The following RYR1 variants were observed in gnomAD, a reference collection of about 807,000 sequenced individuals.
RYR1 encodes central core disease of muscle.
Under a neutral mutation model 583.5 loss-of-function variants are expected in RYR1, and 342 were observed. The observed-to-expected ratio is 0.59, with a 90% CI of 0.54 to 0.64. RYR1 has a LOEUF of 0.64. Ranked by LOEUF, RYR1 falls within the 30% of genes least tolerant of loss-of-function variation. RYR1 has a pLI of 0.00. For missense variants in RYR1, 6,032 were observed against 6,917.2 expected (o/e 0.87, Z 4.54); for synonymous variants, 2,791 against 2,822.5 (o/e 0.99, Z 0.35).
Position 38,486,082 on chromosome 19 carries a change from C to G in RYR1, c.5427C>G (p.Asp1809Glu), listed in dbSNP as rs201086478. The change falls in exon 34 of 106, where the codon GAC becomes GAG. Residue 1809 changes from aspartate to glutamate, a missense_variant. Asp to Glu is a conservative substitution (Grantham distance 45, BLOSUM62 2). Around this residue, in one of 11 missense-constraint regions of RYR1, gnomAD observed 2,627 missense variants for 2,961.3 expected, o/e 0.89. Transcript: ENST00000359596. ...SPAIPLEALR[D>E]KALRMLGEAV... Reference sequence around the variant, plus strand: ...CCATCCCGCTGGAGGCCCTGCGGGACAAGGCACTGAGGATGCTGGGGGAGG... The same window carrying G: ...CCATCCCGCTGGAGGCCCTGCGGGAGAAGGCACTGAGGATGCTGGGGGAGG... The G allele has an allele frequency of 6.2e-6, 10 of 1,612,722 alleles. No homozygotes were observed. The highest frequency in any genetic ancestry group is 8.5e-6 in the Non-Finnish European group (10 of 1,179,446).
At chr19:38,530,987 CT>C (rs59244176) in intron 76 of RYR1, among the ~76,000 whole-genome samples, 17,516 of 129,164 alleles carry the variant, frequency 0.14, 1,156 homozygotes, top group African/African-American at 0.27. Flanking sequence ...TTTTCTTTCT[CT>C]TTTTTTTTTT....
At chr19:38,562,016 G>T (rs1973168728) in intron 90 of RYR1, among the ~76,000 whole-genome samples, 1 of 151,982 alleles carries the variant, frequency 6.6e-6, no homozygotes, top group South Asian at 2.1e-4. Flanking sequence ...TAGCATATGT[G>T]TACCCCAACT....
intron 34 of RYR1, among the ~76,000 whole-genome samples, chr19:38,486,636 C>T (rs549379230): frequency 4.6e-5 from 7 of 152,208 alleles, no homozygotes; most frequent in East Asian, 3.9e-4. Flanking sequence ...CCACCGCGTC[C>T]GGCCTCCATC....
chr19:38,519,877 C>T (rs185687067), intron 67 of RYR1, among the ~76,000 whole-genome samples: 1 of 151,956 alleles, frequency 6.6e-6, no homozygotes, highest in Non-Finnish European at 1.5e-5. Context: ...CAGATTTTCA[C>T]CATGTTGGCC....
At chr19:38,442,036 G>A (rs1972711772) in intron 2 of RYR1, among the ~76,000 whole-genome samples, 1 of 151,882 alleles carries the variant, frequency 6.6e-6, no homozygotes, top group South Asian at 2.1e-4. Flanking sequence ...AGAGGCATGG[G>A]GGTGAGGCTT....
At chr19:38,468,207 TCATCCATC>T (rs561219158) in intron 25 of RYR1, among the ~76,000 whole-genome samples, 2 of 148,808 alleles carry the variant, frequency 1.3e-5, no homozygotes, top group South Asian at 2.1e-4. Context: ...TATAGTCCCA[TCATCCATC>T]CATCCATCCA....
At chr19:38,580,258 G>T in intron 100 of RYR1, 112 bp from the exon 101 acceptor site, 1 of 1,588,448 alleles carries the variant, frequency 6.3e-7, no homozygotes, top group Non-Finnish European at 8.6e-7. Context: ...GGGGGTGTGT[G>T]GGGCAGCAAG....
At position 38,499,840 on chromosome 19, in the gene RYR1, T is replaced by C; in HGVS notation, c.7214+19T>C. On this transcript the variant is annotated intron_variant, in intron 44 of 105. Transcript: ENST00000359596. The surrounding 1 kb of genome is among the most constrained non-coding windows in gnomAD (Gnocchi z 7.3). Reference sequence around the variant, plus strand: ...GCGAGCAGTGAGTCTCCCGGCCCCCTCCTCAATAGGGCAACCCGCCCTCCC... The same window carrying C: ...GCGAGCAGTGAGTCTCCCGGCCCCCCCCTCAATAGGGCAACCCGCCCTCCC... The C allele has an allele frequency of 6.2e-7, 1 of 1,610,088 alleles. No homozygotes were observed. The highest frequency in any genetic ancestry group is 8.5e-7 in the Non-Finnish European group (1 of 1,179,508).
chr19:38,440,716 C>G (rs771447845), intron 1 of RYR1, 29 bp from the exon 2 acceptor site: 25 of 1,603,036 alleles, frequency 1.6e-5, no homozygotes, highest in South Asian at 2.2e-5. Context: ...GCCAGGCCCC[C>G]CTGGAGACGC....
At chr19:38,519,085 T>C in intron 66 of RYR1, 129 bp from the exon 67 acceptor site, 1 of 1,470,302 alleles carries the variant, frequency 6.8e-7, no homozygotes, top group Non-Finnish European at 9.4e-7. Context: ...ATATCCAAGG[T>C]TAGGGTCAGG....
At chr19:38,518,693 C>T (rs936914573) in intron 66 of RYR1, among the ~76,000 whole-genome samples, 6 of 152,006 alleles carry the variant, frequency 3.9e-5, no homozygotes, top group Non-Finnish European at 7.4e-5. Context: ...CTATGGGAGG[C>T]CGAGGCGGGT....
chr19:38,486,484 C>G (rs1969305618), intron 34 of RYR1, among the ~76,000 whole-genome samples: 1 of 152,222 alleles, frequency 6.6e-6, no homozygotes, highest in Admixed American at 6.5e-5. Context: ...GCGGGGACTA[C>G]AGGCATGTGC....
intron 1 of RYR1, among the ~76,000 whole-genome samples, chr19:38,440,368 G>C (rs1972614397): frequency 6.6e-6 from 1 of 152,060 alleles, no homozygotes; most frequent in Non-Finnish European, 1.5e-5. Flanking sequence ...GCGAAACCTT[G>C]TCTCTACTAA....
intron 34 of RYR1, among the ~76,000 whole-genome samples, chr19:38,487,310 C>T (rs984344465): frequency 2.8e-4 from 43 of 152,140 alleles, no homozygotes; most frequent in African/African-American, 1.0e-3. Context: ...TTCGTAGACC[C>T]ATCTAACTAT....
At position 38,516,174 on chromosome 19, in the gene RYR1, C is replaced by T. The variant is rs200736343; in HGVS notation, c.9642C>T (p.Asn3214=). The T allele has an allele frequency of 1.4e-5, 22 of 1,566,956 alleles. No homozygotes were observed. The highest frequency in any genetic ancestry group is 4.7e-5 in the East Asian group (2 of 42,314). Residue 3214 remains asparagine, a synonymous_variant, in exon 65 of 106, where the codon AAC becomes AAT. Transcript: ENST00000359596. ...TGGAGCCGCAGCTGAACGAGTACAACGCCTGCTCCGTGTACACCACCAAGT... is the reference window on the plus strand; with the variant it reads ...TGGAGCCGCAGCTGAACGAGTACAATGCCTGCTCCGTGTACACCACCAAGT... ...AFLEPQLNEY[N]ACSVYTTKSP... is the part of the protein sequence containing the mutation.
rs769713059 is a variant in RYR1, at chr19:38,456,274, A to ATTTTTTTTT, written c.1791+534_1791+542dup. 2.8e-5 allele frequency among the ~76,000 whole-genome samples: 3 copies of ATTTTTTTTT among 106,670 alleles called. 1 individual carries two copies. The highest frequency in any genetic ancestry group is 3.8e-5 in the African/African-American group (1 of 26,616). 70.0% of individuals were successfully genotyped at this position (106,670 alleles called of 152,430 possible). On this transcript the variant is annotated intron_variant, in intron 16 of 105. Coordinates refer to ENST00000359596, the MANE Select transcript of RYR1 (RefSeq NM_000540.3). ...CAGGCGTGAACCACCAGCGCCTGGC[A>ATTTTTTTTT]TTTTTTTTTTTTTTTTTTTGATACA... is the stretch of plus-strand genomic sequence containing the variant.
At chr19:38,451,710 G>A (rs1247253434) in intron 11 of RYR1, 54 bp from the exon 12 acceptor site, 32 of 1,611,102 alleles carry the variant, frequency 2.0e-5, no homozygotes, top group South Asian at 7.7e-5. Flanking sequence ...ACGTCTTGGG[G>A]GCATGGCCCT....
In RYR1 at chr19:38,479,126, A is replaced by G. The variant is rs933713389; in HGVS notation, c.4620+526A>G. ...GTTCCCTCTTGAGCTGGGTGACACC[A>G]GTCACCAACTTCTCTCCAACCAGGG... is the stretch of plus-strand genomic sequence containing the variant. On this transcript the variant is annotated intron_variant, in intron 31 of 105. Coordinates refer to ENST00000359596, the MANE Select transcript of RYR1 (RefSeq NM_000540.3). Among the ~76,000 whole-genome samples the G allele has an allele frequency of 8.5e-5, 13 of 152,342 alleles. No homozygotes were observed. The East Asian group carries it at 2.1e-3, about 25-fold the overall frequency.
chr19:38,543,903 C>G lies in RYR1; in HGVS notation c.12012+28C>G, dbSNP rs1453490231. On this transcript the variant is annotated intron_variant, in intron 87 of 105. Transcript: ENST00000359596. The surrounding 1 kb of genome is among the most constrained non-coding windows in gnomAD (Gnocchi z 4.4). Reference sequence around the variant, plus strand: ...TCGAGCCCCTCTGGTCTCCATCCACCTGCTTCCGGGCGTCCCCCAAGTGGT... The same window carrying G: ...TCGAGCCCCTCTGGTCTCCATCCACGTGCTTCCGGGCGTCCCCCAAGTGGT... 6.2e-7 allele frequency: 1 copy of G among 1,602,574 alleles called. No individual in the cohort carries two copies. The highest frequency in any genetic ancestry group is 1.7e-5 in the Admixed American group (1 of 59,210).
Sources: allele counts gnomAD v4.1 joint callset (sites outside exome capture counted in the v4.1 genomes callset), GRCh38; gene constraint gnomAD v4.1.1; regional missense constraint gnomAD v4.1.1; non-coding constraint Gnocchi (gnomAD v3.1); transcripts MANE v1.5; gene names NCBI Gene and HGNC (gene_info 2026-07-23, HGNC 2026-07-21).